GADL1: variants seen among roughly 807,000 people sequenced by gnomAD.
GADL1 encodes GAD like acidic amino acid decarboxylase 1.
GADL1 carries 71 observed loss-of-function variants against 69.5 expected under a neutral mutation model. The observed-to-expected ratio is 1.02, with a 90% CI of 0.84 to 1.25. The LOEUF (loss-of-function observed/expected upper bound fraction) is 1.25. Ranked by LOEUF, GADL1 falls within the 50% of genes most tolerant of loss-of-function variation. The pLI is 0.00. For missense variants in GADL1, 737 were observed against 631.8 expected, an observed-to-expected ratio of 1.17 and a Z score of -1.79; for synonymous variants, 254 against 214.4, an observed-to-expected ratio of 1.18 and a Z score of -1.62.
In GADL1 at chr3:30,778,046, C is replaced by T. The variant is rs374279572; in HGVS notation, c.1392+133G>A. The stretch of plus-strand genomic sequence containing the variant: ...TCTACAACTGTTTGGCCTGTCATTA[C>T]TTTTTAACAAACTAGAAGACACTTC... On this transcript the variant is annotated intron_variant, in intron 14 of 14. Transcript: ENST00000282538. 185 of 591,634 alleles carry T rather than the reference C, an allele frequency of 3.1e-4. No homozygotes were observed. In the African/African-American group the frequency reaches 3.1e-3, roughly 10 times the overall value. 36.6% of individuals were successfully genotyped at this position (591,634 alleles called of 1,614,324 possible).
chr3:30,815,322 C>T (rs1289946080), intron 11 of GADL1, among the ~76,000 whole-genome samples: 2 of 152,004 alleles, frequency 1.3e-5, no homozygotes, highest in African/African-American at 4.8e-5. Flanking sequence ...GGAAAGTAGA[C>T]AGTTCTCTCT....
chr3:30,825,548 C>T (rs150644787), intron 11 of GADL1, among the ~76,000 whole-genome samples: 33 of 151,970 alleles, frequency 2.2e-4, no homozygotes, highest in African/African-American at 7.0e-4. Flanking sequence ...TCCTTGGAAA[C>T]CAATATGACA....
At chr3:30,890,670 G>C (rs918497988) in intron 1 of GADL1, among the ~76,000 whole-genome samples, 4 of 152,148 alleles carry the variant, frequency 2.6e-5, no homozygotes, top group Admixed American at 1.3e-4. Flanking sequence ...CAAATGTATA[G>C]AGTGTGGGGT....
chr3:30,758,882 G>GA (rs1225849099), intron 14 of GADL1, among the ~76,000 whole-genome samples: 1 of 152,156 alleles, frequency 6.6e-6, no homozygotes, highest in African/African-American at 2.4e-5. Flanking sequence ...GCTTCCAGTG[G>GA]AATATATAGG....
chr3:30,836,882 C>A (rs947922219), intron 9 of GADL1, among the ~76,000 whole-genome samples: 2 of 152,064 alleles, frequency 1.3e-5, no homozygotes, highest in Non-Finnish European at 2.9e-5. Context: ...GAGAACAGTA[C>A]TGGAGTGAAA....
intron 1 of GADL1, among the ~76,000 whole-genome samples, chr3:30,868,854 T>C (rs566673907): frequency 2.0e-4 from 31 of 151,900 alleles, no homozygotes; most frequent in African/African-American, 7.5e-4. Flanking sequence ...TGAGAAACAA[T>C]GAATCAAAAG....
intron 11 of GADL1, among the ~76,000 whole-genome samples, chr3:30,819,305 T>C (rs980626581): frequency 6.6e-6 from 1 of 151,966 alleles, no homozygotes; most frequent in Non-Finnish European, 1.5e-5. Flanking sequence ...GAACTAAAAA[T>C]GGTTTTTTGT....
At chr3:30,805,482 G>T (rs1219234072) in intron 11 of GADL1, among the ~76,000 whole-genome samples, 1 of 152,118 alleles carries the variant, frequency 6.6e-6, no homozygotes, top group Non-Finnish European at 1.5e-5. Flanking sequence ...ATGACCTCTG[G>T]TCTTAGCACC....
intron 14 of GADL1, among the ~76,000 whole-genome samples, chr3:30,763,159 ACTC>A (rs1448126471): frequency 3.3e-5 from 5 of 152,066 alleles, no homozygotes; most frequent in Non-Finnish European, 5.9e-5. Context: ...ACATATACAT[ACTC>A]CTCAGCTTAC....
intron 14 of GADL1, among the ~76,000 whole-genome samples, chr3:30,759,406 A>G (rs1184681706): frequency 6.6e-6 from 1 of 152,134 alleles, no homozygotes; most frequent in East Asian, 1.9e-4. Flanking sequence ...GTTACACTGG[A>G]CATTTTATTA....
chr3:30,822,410 G>A lies in GADL1; in HGVS notation c.1050+11443C>T, dbSNP rs1697598492. Among the ~76,000 whole-genome samples the A allele has an allele frequency of 2.6e-5, 4 of 152,112 alleles. No individual in the cohort carries two copies. In the South Asian group the frequency reaches 8.3e-4, roughly 32 times the overall value. On this transcript the variant is annotated intron_variant, in intron 11 of 14. Coordinates refer to ENST00000282538, the MANE Select transcript of GADL1 (RefSeq NM_207359.3). ...CTGGGCTGAAGGTGCTGAATTAGCT[G>A]CTTTCGTGGTAATGATGGCCGTGAT... is the stretch of plus-strand genomic sequence containing the variant.
At chr3:30,747,607 AGTTTGTTT>A (rs200376245) in intron 14 of GADL1, among the ~76,000 whole-genome samples, 5 of 152,136 alleles carry the variant, frequency 3.3e-5, no homozygotes, top group Admixed American at 6.5e-5. Flanking sequence ...ATGGATTTTT[AGTTTGTTT>A]GTTTGTTTGT....
chr3:30,864,152 T>G (rs1012413451), intron 1 of GADL1, among the ~76,000 whole-genome samples: 13 of 152,046 alleles, frequency 8.6e-5, no homozygotes, highest in Non-Finnish European at 1.8e-4. Context: ...CCCAAATTTT[T>G]TAGGCCCTAA....
At chr3:30,852,567 T>A (rs1195778099) in intron 4 of GADL1, among the ~76,000 whole-genome samples, 2 of 151,984 alleles carry the variant, frequency 1.3e-5, no homozygotes, top group Non-Finnish European at 2.9e-5. Flanking sequence ...GAAGCCAGTG[T>A]ACATACACAA....
At position 30,844,469 on chromosome 3, in the gene GADL1, GA is replaced by G. The variant is rs1162831276; in HGVS notation, c.652-4del. On this transcript the variant is annotated splice_polypyrimidine_tract_variant and splice_region_variant and intron_variant, in intron 6 of 14. Coordinates refer to ENST00000282538, the MANE Select transcript of GADL1 (RefSeq NM_207359.3). ...GCCTTCTTCATAGAGTAATGACACT[GA>G]ATTCAAAGGGACAGTGGGGAAGGGG... The G allele has an allele frequency of 6.3e-7, 1 of 1,589,308 alleles. No homozygotes were observed. The highest frequency in any genetic ancestry group is 1.1e-5 in the South Asian group (1 of 90,510).
At chr3:30,733,149 A>G (rs1468153881) in intron 14 of GADL1, among the ~76,000 whole-genome samples, 1 of 152,244 alleles carries the variant, frequency 6.6e-6, no homozygotes, top group South Asian at 2.1e-4. Flanking sequence ...TACAATAAAA[A>G]TCAATTACTA....
intron 14 of GADL1, among the ~76,000 whole-genome samples, chr3:30,757,214 T>A (rs750098673): frequency 1.3e-5 from 2 of 152,152 alleles, no homozygotes; most frequent in African/African-American, 2.4e-5. Flanking sequence ...TGGACCTTCA[T>A]CAAATATCTA....
chr3:30,806,098 C>A (rs938186369), intron 11 of GADL1, among the ~76,000 whole-genome samples: 3 of 151,960 alleles, frequency 2.0e-5, no homozygotes, highest in African/African-American at 7.3e-5. Flanking sequence ...CAACAACAAA[C>A]CTTTGTATTT....
intron 14 of GADL1, among the ~76,000 whole-genome samples, chr3:30,736,822 G>C (rs2125471024): frequency 6.6e-6 from 1 of 152,158 alleles, no homozygotes; most frequent in South Asian, 2.1e-4. Context: ...TTGGAGGGAA[G>C]TTTTCCACTA....
Sources: allele counts gnomAD v4.1 joint callset (sites outside exome capture counted in the v4.1 genomes callset), GRCh38; gene constraint gnomAD v4.1.1; transcripts MANE v1.5; gene names NCBI Gene and HGNC (gene_info 2026-07-23, HGNC 2026-07-21).